DNAH17: variants seen among roughly 807,000 people sequenced by gnomAD.
DNAH17 encodes the protein dynein axonemal heavy chain 17, also known as axonemal beta dynein heavy chain 17.
DNAH17 carries 376 observed loss-of-function variants against 485.6 expected under a neutral mutation model. That is an observed-to-expected ratio of 0.77 (90% CI 0.71 to 0.84). The LOEUF (loss-of-function observed/expected upper bound fraction) is 0.84. Ranked by LOEUF, DNAH17 falls within the 40% of genes least tolerant of loss-of-function variation. DNAH17 has a pLI of 0.00. For missense variants in DNAH17, 6,370 were observed against 5,839.3 expected, an observed-to-expected ratio of 1.09 and a Z score of -2.96; for synonymous variants, 3,031 against 2,405.9, an observed-to-expected ratio of 1.26 and a Z score of -7.60.
Position 78,507,301 on chromosome 17 carries a change from A to C in DNAH17, c.4653T>G (p.Asn1551Lys), listed in dbSNP as rs372248343. The change falls in exon 29 of 81, where the codon AAT becomes AAG. Residue 1551 changes from asparagine (N) to lysine (K), a missense_variant. Physicochemically the swap from Asn to Lys is moderately conservative, Grantham distance 94 (BLOSUM62 0). Transcript: ENST00000389840. ...ACCTCTTCTTCAGGGCCTCCAGTTT[A>C]TTGTAGAGGCCGGGTTTGCTGGTGG... The part of the protein sequence containing the change: ...VEATSKPGLY[N>K]KLEALKKSLA... 1.4e-5 allele frequency: 22 copies of C among 1,613,782 alleles called. No individual in the cohort carries two copies. Among genetic ancestry groups the C allele is most frequent in the Non-Finnish European group, 1.9e-5 (22 of 1,179,880 alleles).
At chr17:78,496,633 G>A (rs958216322) in intron 37 of DNAH17, 3 of 147,222 alleles carry the variant, frequency 2.0e-5, no homozygotes, top group Non-Finnish European at 4.5e-5. Flanking sequence ...TTATATAAGT[G>A]GAATTGTATC....
chr17:78,426,415 T>C, intron 79 of DNAH17, 42 bp downstream of exon 79: 1 of 1,542,550 alleles, frequency 6.5e-7, no homozygotes, highest in Non-Finnish European at 8.7e-7. Context: ...GGGCACTCGG[T>C]CCCCGAGTCT....
chr17:78,518,353 T>G (rs911293515), intron 25 of DNAH17, among the ~76,000 whole-genome samples: 5 of 151,578 alleles, frequency 3.3e-5, no homozygotes, highest in African/African-American at 1.2e-4. Context: ...GTAGCTATAC[T>G]AGTATCAGAT....
intron 26 of DNAH17, 177 bp from the exon 27 acceptor site, chr17:78,510,683 C>G: frequency 1.3e-6 from 1 of 756,502 alleles, no homozygotes; most frequent in Non-Finnish European, 2.1e-6. Flanking sequence ...GTGACTTCTC[C>G]AAGCCTCACC....
chr17:78,569,935 G>T lies in DNAH17; in HGVS notation c.1044+312C>A, dbSNP rs190981873. Among the ~76,000 whole-genome samples, 938 of 136,124 alleles carry T rather than the reference G, an allele frequency of 6.9e-3. 13 individuals are homozygous for T. The highest frequency in any genetic ancestry group is 0.029 in the African/African-American group (856 of 29,250). 89.3% of individuals were successfully genotyped at this position (136,124 alleles called of 152,430 possible). On this transcript the variant is annotated intron_variant, in intron 7 of 80. Coordinates refer to ENST00000389840, the MANE Select transcript of DNAH17 (RefSeq NM_173628.4). Reference sequence around the variant, plus strand: ...AAAAGAAGTCTCTGCTAAGGGAGACGGAAGGTGGTTTGATGTGCGATTAGA... The same window carrying T: ...AAAAGAAGTCTCTGCTAAGGGAGACTGAAGGTGGTTTGATGTGCGATTAGA...
At chr17:78,472,627 T>TGTGTGGG (rs771365083) in intron 54 of DNAH17, 8 of 424,640 alleles carry the variant, frequency 1.9e-5, no homozygotes, top group East Asian at 1.7e-4. Flanking sequence ...CCGGGGGCTG[T>TGTGTGGG]GTGTGGGGTG....
At chr17:78,462,411 G>A (rs2088180419) in intron 57 of DNAH17, among the ~76,000 whole-genome samples, 1 of 152,186 alleles carries the variant, frequency 6.6e-6, no homozygotes, top group Non-Finnish European at 1.5e-5. Context: ...AGCCGGGACT[G>A]CACGATGGAG....
chr17:78,553,283 G>GTTTTTTTTTTT lies in DNAH17; in HGVS notation c.2179-489_2179-479dup, dbSNP rs60587420. ...AAATTACCCAGTCCCAGGTTTTTGTGTTTTTTTTTTTTTTTTTTTTTTTTT... is the reference window on the plus strand; with the variant it reads ...AAATTACCCAGTCCCAGGTTTTTGTGTTTTTTTTTTTTTTTTTTTTTTTTTTTTTTTTTTTT... On this transcript the variant is annotated intron_variant, in intron 14 of 80. Coordinates refer to ENST00000389840, the MANE Select transcript of DNAH17 (RefSeq NM_173628.4). 1.2e-3 allele frequency among the ~76,000 whole-genome samples: 59 copies of GTTTTTTTTTTT among 51,030 alleles called. 9 individuals carry two copies. The highest frequency in any genetic ancestry group is 1.5e-3 in the Non-Finnish European group (42 of 28,884). The allele number at this position is 51,030 out of a possible 152,430, so 33.5% of individuals were successfully genotyped here. A position where few individuals can be genotyped will look rare whatever the true frequency, so the allele number is the denominator to read the frequency against.
intron 62 of DNAH17, among the ~76,000 whole-genome samples, chr17:78,457,127 T>C (rs1360714856): frequency 6.6e-6 from 1 of 152,196 alleles, no homozygotes; most frequent in African/African-American, 2.4e-5. Context: ...TCCCAGCACT[T>C]TGGGAGGCCG....
At chr17:78,469,058 G>A (rs1017315146) in intron 54 of DNAH17, among the ~76,000 whole-genome samples, 175 bp from the exon 55 acceptor site, 4 of 152,246 alleles carry the variant, frequency 2.6e-5, no homozygotes, top group African/African-American at 9.6e-5. Context: ...CCGTCTCCTG[G>A]GTTCAAGCAA....
In DNAH17 at chr17:78,560,950, G is replaced by T; in HGVS notation, c.1836-15C>A. The T allele has an allele frequency of 6.5e-7, 1 of 1,542,868 alleles. No homozygotes were observed. The highest frequency in any genetic ancestry group is 8.7e-7 in the Non-Finnish European group (1 of 1,144,868). ...CAGACATGACCCTGGAATCAGAGCG[G>T]GAAGGCGAGGCCCCACTGGATATCT... On this transcript the variant is annotated splice_polypyrimidine_tract_variant and intron_variant, in intron 12 of 80. Coordinates refer to ENST00000389840, the MANE Select transcript of DNAH17 (RefSeq NM_173628.4).
At chr17:78,462,536 A>G (rs1301269691) in intron 57 of DNAH17, among the ~76,000 whole-genome samples, 1 of 152,180 alleles carries the variant, frequency 6.6e-6, no homozygotes, top group Non-Finnish European at 1.5e-5. Flanking sequence ...GAACAAATGC[A>G]TTTGTATTGA....
Position 78,462,994 on chromosome 17 carries a change from A to G in DNAH17, c.9024T>C (p.Thr3008=), listed in dbSNP as rs2146540348. The stretch of plus-strand genomic sequence containing the variant: ...GTGTGGTGTAGTTGTAGCGCCTCTC[A>G]GTAGCCAGGTATACCCTGGACATCT... ...VNEMSRVYLA[T]ERRYNYTTPK... The change falls in exon 57 of 81, where the codon ACT becomes ACC. Residue 3008 remains threonine (T), a synonymous_variant. Coordinates refer to ENST00000389840, the MANE Select transcript of DNAH17 (RefSeq NM_173628.4). The G allele has an allele frequency of 6.2e-7, 1 of 1,613,960 alleles. No individual in the cohort carries two copies. The highest frequency in any genetic ancestry group is 1.1e-5 in the South Asian group (1 of 91,074).
chr17:78,559,612 A>G (rs2092107410), intron 13 of DNAH17, among the ~76,000 whole-genome samples: 1 of 152,132 alleles, frequency 6.6e-6, no homozygotes, highest in African/African-American at 2.4e-5. Flanking sequence ...TCTTTCCTCC[A>G]GCCCCAGCTC....
chr17:78,443,820 G>T (rs662060), intron 71 of DNAH17, among the ~76,000 whole-genome samples: 3 of 152,030 alleles, frequency 2.0e-5, no homozygotes, highest in Non-Finnish European at 4.4e-5. Context: ...TTACAGGTGT[G>T]AGCCACTGCA....
At position 78,561,847 on chromosome 17, in the gene DNAH17, G is replaced by A. The variant is rs375371085; in HGVS notation, c.1703C>T (p.Ala568Val). The change falls in exon 12 of 81, where the codon GCG becomes GTG. Residue 568 changes from alanine to valine, a missense_variant. Physicochemically the swap from Ala to Val is moderately conservative, Grantham distance 64. Transcript: ENST00000389840. Reference protein sequence around the residue: ...NAKILYDAQMAASEEGNIPLI... With the variant: ...NAKILYDAQMVASEEGNIPLI... Reference sequence around the variant, plus strand: ...GGGGATGTTCCCCTCCTCGGAGGCCGCCATCTGGGCATCGTACAAGATCTT... The same window carrying A: ...GGGGATGTTCCCCTCCTCGGAGGCCACCATCTGGGCATCGTACAAGATCTT... 143 of 1,613,862 alleles carry A rather than the reference G, an allele frequency of 8.9e-5. No individual in the cohort carries two copies. In the African/African-American group the frequency reaches 1.3e-3, roughly 15 times the overall value.
rs372647934 is a variant in DNAH17 at position 78,514,812 on chromosome 17, G to A, written c.4075C>T (p.Arg1359Trp). The A allele has an allele frequency of 1.4e-5, 23 of 1,613,900 alleles. No homozygotes were observed. Among genetic ancestry groups the A allele is most frequent in the African/African-American group, 2.7e-5 (2 of 74,938 alleles). The change falls in exon 26 of 81, where the codon CGG (arginine) becomes TGG (tryptophan). Residue 1359 changes from arginine to tryptophan, a missense_variant. Arg to Trp is a moderately radical substitution (Grantham distance 101). Coordinates refer to ENST00000389840, the MANE Select transcript of DNAH17 (RefSeq NM_173628.4). ...AVSELQNPAI[R>W]ERHWQQLMQA... ...ATGAGCTGCTGCCAGTGGCGTTCCC[G>A]AATGGCAGGGTTCTGCAGCTCGCTC...
intron 25 of DNAH17, among the ~76,000 whole-genome samples, chr17:78,524,803 C>T (rs2091021778): frequency 6.6e-6 from 1 of 152,216 alleles, no homozygotes; most frequent in Non-Finnish European, 1.5e-5. Context: ...CCCCCACCCA[C>T]ATACAGAGAG....
intron 62 of DNAH17, among the ~76,000 whole-genome samples, chr17:78,457,419 G>A (rs1258473537): frequency 1.3e-5 from 2 of 151,966 alleles, no homozygotes; most frequent in Non-Finnish European, 2.9e-5. Flanking sequence ...AGACATGCAG[G>A]GTGTCAGGGC....
Sources: allele counts gnomAD v4.1 joint callset (sites outside exome capture counted in the v4.1 genomes callset), GRCh38; gene constraint gnomAD v4.1.1; transcripts MANE v1.5; gene names NCBI Gene and HGNC (gene_info 2026-07-23, HGNC 2026-07-21).